The following STK3 variants were observed in gnomAD, a reference collection of about 807,000 sequenced individuals.
STK3 encodes the protein serine/threonine-protein kinase 3.
A neutral mutation model predicts 58.0 loss-of-function variants in STK3; 41 were observed. The observed-to-expected ratio is 0.71, with a 90% CI of 0.55 to 0.92. The LOEUF (loss-of-function observed/expected upper bound fraction) is 0.92, where lower values mean the gene tolerates loss of function less well. STK3 is among the 40% of genes least tolerant of loss of function. The pLI is 0.00. For synonymous variants in STK3, 170 were observed against 191.0 expected, an observed-to-expected ratio of 0.89 and a Z score of 0.91; for missense variants, 479 against 602.7, an observed-to-expected ratio of 0.79 and a Z score of 2.15.
intron 6 of STK3, among the ~76,000 whole-genome samples, chr8:98,652,569 G>C (rs1351425611): frequency 6.8e-6 from 1 of 146,104 alleles, no homozygotes; most frequent in Non-Finnish European, 1.5e-5. Context: ...CCATCAGTGT[G>C]CTGTATTCAG....
chr8:98,633,833 A>T, intron 6 of STK3: 1 of 452,354 alleles, frequency 2.2e-6, no homozygotes, highest in Non-Finnish European at 4.2e-6. Flanking sequence ...TCAAATTTGA[A>T]GATCCCAAAC....
intron 3 of STK3, among the ~76,000 whole-genome samples, chr8:98,411,432 G>A (rs569363245): frequency 3.9e-5 from 6 of 152,296 alleles, no homozygotes; most frequent in African/African-American, 1.4e-4. Flanking sequence ...CACTCAATAC[G>A]TCTCCTCATT....
chr8:98,629,545 TC>T (rs1819018406), intron 6 of STK3, among the ~76,000 whole-genome samples: 1 of 152,046 alleles, frequency 6.6e-6, no homozygotes, highest in Admixed American at 6.5e-5. Context: ...CAACCAAGAT[TC>T]CCCTTTGTGG....
At chr8:98,815,007 T>C (rs1834458924) in intron 1 of STK3, among the ~76,000 whole-genome samples, 4 of 152,232 alleles carry the variant, frequency 2.6e-5, no homozygotes, top group Admixed American at 2.6e-4. Flanking sequence ...AACAGTGGTG[T>C]TATTTGTCTT....
chr8:98,628,872 C>T (rs376059316), intron 6 of STK3, among the ~76,000 whole-genome samples: 2 of 142,352 alleles, frequency 1.4e-5, no homozygotes, highest in Non-Finnish European at 3.0e-5. Context: ...AAGACAGTGA[C>T]GAAGGTAAAG....
At position 98,872,963 on chromosome 8, in the gene STK3, C is replaced by T. The variant is rs189516671; in HGVS notation, c.110+10684G>A. Among the ~76,000 whole-genome samples the T allele has an allele frequency of 2.9e-4, 44 of 152,278 alleles. No homozygotes were observed. The East Asian group carries it at 7.7e-3, about 27-fold the overall frequency. ...CGATTTCAGATCTTTCCTGCTTTCT[C>T]TTGTGGGTATTTAGTGCTATAAATT... On this transcript the variant is annotated intron_variant, in intron 3 of 12. Transcript: ENST00000523601.
chr8:98,869,089 A>AGG (rs1435846298), intron 3 of STK3, among the ~76,000 whole-genome samples: 19 of 143,148 alleles, frequency 1.3e-4, no homozygotes, highest in African/African-American at 5.4e-4. Context: ...GAAGGAGAGA[A>AGG]AGAGAAAATA....
chr8:98,868,568 C>T (rs1448577369), intron 3 of STK3, among the ~76,000 whole-genome samples: 1 of 152,168 alleles, frequency 6.6e-6, no homozygotes, highest in Non-Finnish European at 1.5e-5. Context: ...TCAATCACTC[C>T]TTTAAAAAAT....
At chr8:98,781,612 A>G (rs1474943473) in intron 1 of STK3, among the ~76,000 whole-genome samples, 1 of 152,160 alleles carries the variant, frequency 6.6e-6, no homozygotes, top group Non-Finnish European at 1.5e-5. Context: ...TAGAAAGGAG[A>G]TTATATTACC....
intron 6 of STK3, among the ~76,000 whole-genome samples, chr8:98,603,601 C>T (rs1816533953): frequency 6.6e-6 from 1 of 152,136 alleles, no homozygotes; most frequent in Non-Finnish European, 1.5e-5. Context: ...TAAAAATACA[C>T]AGTAACTGAA....
intron 1 of STK3, among the ~76,000 whole-genome samples, chr8:98,779,142 T>TA (rs78443144): frequency 0.011 from 1,586 of 148,182 alleles, 15 homozygotes; most frequent in African/African-American, 0.025. Context: ...TCTTCTCAAC[T>TA]AAAAAAAAAA....
intron 3 of STK3, among the ~76,000 whole-genome samples, chr8:98,749,769 G>A (rs911693716): frequency 2.6e-5 from 4 of 151,780 alleles, no homozygotes; most frequent in Non-Finnish European, 4.4e-5. Context: ...TAATCAACTC[G>A]AAAATAATCT....
intron 10 of STK3, among the ~76,000 whole-genome samples, chr8:98,503,009 T>C (rs981707401): frequency 6.6e-6 from 1 of 152,220 alleles, no homozygotes; most frequent in Non-Finnish European, 1.5e-5. Context: ...TCTGGTAGAA[T>C]TAGGCTGTGA....
chr8:98,613,397 CAT>C (rs1478534787), intron 6 of STK3, among the ~76,000 whole-genome samples: 6 of 152,038 alleles, frequency 3.9e-5, no homozygotes, highest in African/African-American at 1.4e-4. Flanking sequence ...CAAAAAAAGA[CAT>C]GTCAGAAGTA....
At chr8:98,539,810 G>A (rs1368121036) in intron 9 of STK3, among the ~76,000 whole-genome samples, 5 of 152,044 alleles carry the variant, frequency 3.3e-5, no homozygotes, top group African/African-American at 1.2e-4. Context: ...CTGGAGTGCT[G>A]TTGCGGGATC....
At chr8:98,810,409 C>T (rs2080432823) in intron 1 of STK3, among the ~76,000 whole-genome samples, 1 of 151,934 alleles carries the variant, frequency 6.6e-6, no homozygotes. Flanking sequence ...CCAATTGCTC[C>T]ACATCCTCAC....
Position 98,608,974 on chromosome 8 carries a change from C to G in STK3, c.685-12805G>C, listed in dbSNP as rs553325503. Among the ~76,000 whole-genome samples the G allele has an allele frequency of 1.4e-4, 21 of 152,276 alleles. No homozygotes were observed. The South Asian group carries it at 4.4e-3, about 32-fold the overall frequency. On this transcript the variant is annotated intron_variant, in intron 6 of 10. Transcript: ENST00000419617. ...TGTATATCAGTGAACTTGGTTAAGT[C>G]CATCCTATGAGACAGTTCTATATTT...
chr8:98,813,203 C>T (rs1028297051), intron 1 of STK3, among the ~76,000 whole-genome samples: 7 of 152,084 alleles, frequency 4.6e-5, no homozygotes, highest in Non-Finnish European at 1.5e-5. Context: ...TTCCATTTTA[C>T]GAGTAAATTC....
chr8:98,864,790 C>T (rs1395032184), intron 3 of STK3, among the ~76,000 whole-genome samples: 3 of 152,178 alleles, frequency 2.0e-5, no homozygotes, highest in African/African-American at 7.2e-5. Flanking sequence ...AACATAAGGG[C>T]CCAAGGCTAA....
Sources: gnomAD v4.1 joint callset for allele counts (sites outside exome capture counted in the v4.1 genomes callset) on GRCh38, gnomAD v4.1.1 for gene constraint, MANE v1.5 for transcripts, NCBI Gene and HGNC (gene_info 2026-07-23, HGNC 2026-07-21) for gene names.